RIMS1: variants seen among roughly 807,000 people sequenced by gnomAD.
The protein encoded by RIMS1 is regulating synaptic membrane exocytosis protein 1.
RIMS1 carries 83 observed loss-of-function variants against 214.1 expected under a neutral mutation model. The observed-to-expected ratio is 0.39, with a 90% CI of 0.32 to 0.47. RIMS1 has a LOEUF of 0.47. Ranked by LOEUF, RIMS1 falls within the 20% of genes least tolerant of loss-of-function variation. The probability of loss-of-function intolerance (pLI) is 0.99; values close to 1 mark genes in which losing one functional copy is unlikely to be tolerated. For missense variants in RIMS1, 2,050 were observed against 2,161.8 expected (o/e 0.95, Z 1.03); for synonymous variants, 793 against 786.8 (o/e 1.01, Z -0.13).
At chr6:72,052,914 T>C (rs1825119268) in intron 2 of RIMS1, among the ~76,000 whole-genome samples, 1 of 152,212 alleles carries the variant, frequency 6.6e-6, no homozygotes. Flanking sequence ...GTGGGGAATT[T>C]GCTTCTGAGT....
chr6:72,231,184 G>A (rs1401868085), intron 6 of RIMS1, among the ~76,000 whole-genome samples: 1 of 151,658 alleles, frequency 6.6e-6, no homozygotes, highest in African/African-American at 2.4e-5. Context: ...TAGTTATAAA[G>A]ACAAATTAAG....
chr6:72,396,666 T>A (rs765497505), intron 31 of RIMS1, among the ~76,000 whole-genome samples: 1 of 152,138 alleles, frequency 6.6e-6, no homozygotes, highest in Non-Finnish European at 1.5e-5. Context: ...TGGATGGATA[T>A]CTAAGAAAAT....
chr6:72,246,037 T>A lies in RIMS1; in HGVS notation c.2128+176T>A, dbSNP rs188204940. On this transcript the variant is annotated intron_variant, in intron 11 of 33. Coordinates refer to ENST00000521978, the MANE Select transcript of RIMS1 (RefSeq NM_014989.7). ...ACTGGAAATCCAAAGAAGTCCTACT[T>A]CAGGATTTTTCTTCCTCTACTTTTT... Among the ~76,000 whole-genome samples the A allele has an allele frequency of 1.3e-3, 203 of 152,270 alleles. 5 individuals are homozygous for A. The highest frequency in any genetic ancestry group is 4.9e-4 in the Non-Finnish European group (33 of 68,014).
chr6:72,327,250 T>G (rs1282699652), intron 28 of RIMS1, among the ~76,000 whole-genome samples: 1 of 151,836 alleles, frequency 6.6e-6, no homozygotes, highest in East Asian at 1.9e-4. Flanking sequence ...GCTTAATTAT[T>G]TCATACCAAA....
intron 3 of RIMS1, among the ~76,000 whole-genome samples, chr6:72,099,015 CA>C (rs2032813529): frequency 6.6e-6 from 1 of 152,154 alleles, no homozygotes; most frequent in African/African-American, 2.4e-5. Context: ...GAGGCAACAT[CA>C]AAATACTTAA....
chr6:72,150,293 T>C (rs551524026), intron 4 of RIMS1, among the ~76,000 whole-genome samples: 1 of 151,336 alleles, frequency 6.6e-6, no homozygotes, highest in East Asian at 1.9e-4. Context: ...ATGTGAAGGG[T>C]GAGGATCAAT....
chr6:72,231,902 A>G (rs1262890210), intron 6 of RIMS1, among the ~76,000 whole-genome samples: 2 of 151,660 alleles, frequency 1.3e-5, no homozygotes, highest in Non-Finnish European at 3.0e-5. Flanking sequence ...ACTTAGGATA[A>G]TATGAGCGAA....
intron 1 of RIMS1, among the ~76,000 whole-genome samples, chr6:71,923,542 C>T (rs1263890290): frequency 6.6e-6 from 1 of 151,964 alleles, no homozygotes; most frequent in East Asian, 1.9e-4. Context: ...CAGCATGCTG[C>T]CTAATACTAT....
intron 2 of RIMS1, among the ~76,000 whole-genome samples, chr6:72,020,057 A>G (rs1814126051): frequency 1.3e-5 from 2 of 152,338 alleles, no homozygotes; most frequent in African/African-American, 4.8e-5. Flanking sequence ...CACTTCCACA[A>G]CAAGTCACTC....
chr6:72,054,364 G>A (rs2152182419), intron 2 of RIMS1, among the ~76,000 whole-genome samples: 1 of 152,070 alleles, frequency 6.6e-6, no homozygotes, highest in African/African-American at 2.4e-5. Flanking sequence ...TCTTTGTATT[G>A]TAAACAGTGC....
At chr6:72,396,279 C>T (rs1401540185) in intron 31 of RIMS1, among the ~76,000 whole-genome samples, 4 of 152,074 alleles carry the variant, frequency 2.6e-5, no homozygotes, top group East Asian at 1.9e-4. Flanking sequence ...ACAAAACACA[C>T]GTGTGTATGT....
intron 29 of RIMS1, among the ~76,000 whole-genome samples, chr6:72,343,492 C>CTTTTTTTTTTTTTTTTTTTTTTTTT (rs764125827): frequency 1.0e-3 from 60 of 57,288 alleles, no homozygotes; most frequent in Non-Finnish European, 1.2e-3. Flanking sequence ...TCTTCTTCTT[C>CTTTTTTTTTTTTTTTTTTTTTTTTT]TTTTTTTTTT....
intron 6 of RIMS1, among the ~76,000 whole-genome samples, chr6:72,228,541 G>T (rs570463568): frequency 2.5e-4 from 38 of 151,894 alleles, no homozygotes; most frequent in Middle Eastern, 3.4e-3. Flanking sequence ...TGTGTTGTAT[G>T]TTTATACCAC....
chr6:72,084,222 A>C (rs1418707565), intron 2 of RIMS1, among the ~76,000 whole-genome samples: 1 of 152,192 alleles, frequency 6.6e-6, no homozygotes, highest in African/African-American at 2.4e-5. Context: ...GAGTATGATT[A>C]GACCTATTTA....
chr6:72,355,088 A>G (rs1255668026), intron 29 of RIMS1, among the ~76,000 whole-genome samples: 1 of 152,196 alleles, frequency 6.6e-6, no homozygotes, highest in Non-Finnish European at 1.5e-5. Context: ...GAATACATGC[A>G]TTTTGTATAC....
chr6:72,052,272 T>C (rs1824920375), intron 2 of RIMS1, among the ~76,000 whole-genome samples: 1 of 152,154 alleles, frequency 6.6e-6, no homozygotes, highest in South Asian at 2.1e-4. Flanking sequence ...GTAGCACATG[T>C]ATATAGTAGG....
intron 6 of RIMS1, among the ~76,000 whole-genome samples, chr6:72,221,269 G>T (rs942690085): frequency 1.3e-5 from 2 of 150,428 alleles, no homozygotes; most frequent in African/African-American, 2.5e-5. Context: ...AGAGATTATG[G>T]TAGGCCCAAA....
intron 9 of RIMS1, among the ~76,000 whole-genome samples, chr6:72,238,932 A>T (rs1459789892): frequency 6.6e-6 from 1 of 152,068 alleles, no homozygotes; most frequent in South Asian, 2.1e-4. Context: ...TTTGACAAGG[A>T]CTTGCTGTGC....
At chr6:72,376,883 T>G (rs758694165) in intron 29 of RIMS1, among the ~76,000 whole-genome samples, 51 of 152,196 alleles carry the variant, frequency 3.4e-4, no homozygotes, top group Non-Finnish European at 1.3e-4. Context: ...CTTGTTCTAA[T>G]GATAGTTCCT....
Sources: gnomAD v4.1 joint callset for allele counts (sites outside exome capture counted in the v4.1 genomes callset) on GRCh38, gnomAD v4.1.1 for gene constraint, MANE v1.5 for transcripts, NCBI Gene and HGNC (gene_info 2026-07-23, HGNC 2026-07-21) for gene names.